Variants in TCTN1 observed in about 807,000 individuals in gnomAD.
TCTN1 encodes tectonic family member 1.
In TCTN1, 58 loss-of-function variants were observed where a neutral mutation model predicts 65.8. The observed-to-expected ratio is 0.88, with a 90% CI of 0.71 to 1.10. TCTN1 has a LOEUF of 1.10. Ranked by LOEUF, TCTN1 falls within the 50% of genes least tolerant of loss-of-function variation. The pLI is 0.00. For missense variants in TCTN1, 645 were observed against 719.4 expected (o/e 0.90, Z 1.18); for synonymous variants, 273 against 289.1 (o/e 0.94, Z 0.57).
At chr12:110,643,561 A>G (rs1318443128) in intron 11 of TCTN1, 1 of 152,108 alleles carries the variant, frequency 6.6e-6, no homozygotes, top group Non-Finnish European at 1.5e-5. Flanking sequence ...GTTTCCATTA[A>G]GGAAGACAAA....
At chr12:110,631,550 C>T (rs1443860393) in intron 4 of TCTN1, among the ~76,000 whole-genome samples, 2 of 152,034 alleles carry the variant, frequency 1.3e-5, no homozygotes, top group African/African-American at 4.8e-5. Context: ...ATGAGGATCG[C>T]TTGAACCCAG....
chr12:110,614,425 T>C, intron 1 of TCTN1, 23 bp downstream of exon 1: 1 of 1,576,820 alleles, frequency 6.3e-7, no homozygotes. Context: ...TGCCAGCTCC[T>C]GGAGTCCACA....
intron 4 of TCTN1, 25 bp from the exon 5 acceptor site, chr12:110,632,447 C>A: frequency 6.2e-7 from 1 of 1,612,012 alleles, no homozygotes; most frequent in Non-Finnish European, 8.5e-7. Flanking sequence ...TACACCATAA[C>A]GACTGTTGGT....
intron 4 of TCTN1, among the ~76,000 whole-genome samples, chr12:110,630,912 A>G (rs1429783725): frequency 6.6e-6 from 1 of 152,172 alleles, no homozygotes; most frequent in African/African-American, 2.4e-5. Flanking sequence ...GATGAGAAAA[A>G]CTTAGGCACA....
intron 1 of TCTN1, among the ~76,000 whole-genome samples, chr12:110,617,529 G>A (rs1163802749): frequency 1.3e-5 from 2 of 151,754 alleles, no homozygotes; most frequent in Non-Finnish European, 2.9e-5. Flanking sequence ...GTTTTACCAC[G>A]TTGGCCAGGC....
Position 110,640,251 on chromosome 12 carries a change from A to G in TCTN1, c.844-132A>G, listed in dbSNP as rs1467316454. ...CTTTTGCAAATGTGGATCATAGTAT[A>G]TACACTGTTGTGTAGCATGCTTCCC... On this transcript the variant is annotated intron_variant, in intron 7 of 14. Coordinates refer to ENST00000397659, the MANE Select transcript of TCTN1 (RefSeq NM_001082538.3). The surrounding 1 kb of genome is among the most constrained non-coding windows in gnomAD (Gnocchi z 4.9). 5 of 1,025,964 alleles carry G rather than the reference A, an allele frequency of 4.9e-6. No homozygotes were observed. Among genetic ancestry groups the G allele is most frequent in the Non-Finnish European group, 7.5e-6 (5 of 666,470 alleles). 63.6% of individuals were successfully genotyped at this position (1,025,964 alleles called of 1,614,324 possible).
chr12:110,642,223 C>A lies in TCTN1; in HGVS notation c.1191-26C>A, dbSNP rs925146934. 5.0e-6 allele frequency: 8 copies of A among 1,614,018 alleles called. No homozygotes were observed. The African/African-American group carries it at 9.3e-5, about 19-fold the overall frequency. On this transcript the variant is annotated intron_variant, in intron 10 of 14. Transcript: ENST00000397659. Reference sequence around the variant, plus strand: ...AGAACCAGGCTGCTCTAGCACTAGGCAGTTGTCCCTTAACTGTCTGTGAAT... The same window carrying A: ...AGAACCAGGCTGCTCTAGCACTAGGAAGTTGTCCCTTAACTGTCTGTGAAT...
intron 2 of TCTN1, chr12:110,625,917 C>A (rs754621545): frequency 3.2e-5 from 5 of 156,436 alleles, no homozygotes; most frequent in Non-Finnish European, 7.0e-5. Context: ...CCACGCCCAG[C>A]TAATTTTTGT....
chr12:110,640,331 C>T lies in TCTN1; in HGVS notation c.844-52C>T. The T allele has an allele frequency of 3.1e-6, 5 of 1,613,132 alleles. No homozygotes were observed. In the South Asian group the frequency reaches 4.4e-5, roughly 14 times the overall value. ...CTTTCCAGTTGGTTGGTTATTTTAG[C>T]CCATCCTCCCTGGGTAGAGCATCTT... is the stretch of plus-strand genomic sequence containing the variant. On this transcript the variant is annotated intron_variant, in intron 7 of 14. Coordinates refer to ENST00000397659, the MANE Select transcript of TCTN1 (RefSeq NM_001082538.3). This position sits in a 1 kb window ranked among gnomAD's most constrained non-coding sequence, Gnocchi z 4.9.
chr12:110,624,002 A>T (rs1334910979), intron 2 of TCTN1, among the ~76,000 whole-genome samples: 2 of 152,238 alleles, frequency 1.3e-5, no homozygotes, highest in Non-Finnish European at 2.9e-5. Context: ...ATTAAGTGAG[A>T]AAAGCCTTAA....
In TCTN1 at chr12:110,620,145, C is replaced by T. The variant is rs145610273; in HGVS notation, c.341+189C>T. Among the ~76,000 whole-genome samples, 495 of 152,240 alleles carry T rather than the reference C, an allele frequency of 3.3e-3. 4 individuals carry two copies. Among genetic ancestry groups the T allele is most frequent in the African/African-American group, 0.012 (480 of 41,548 alleles). ...ATCCCTGGCAGGGCGCAGTGGCTCA[C>T]GCCTGTAATCCCAGCACTTTGGGAG... On this transcript the variant is annotated intron_variant, in intron 2 of 14. Coordinates refer to ENST00000397659, the MANE Select transcript of TCTN1 (RefSeq NM_001082538.3).
At chr12:110,615,993 T>A (rs930541938) in intron 1 of TCTN1, among the ~76,000 whole-genome samples, 1 of 152,222 alleles carries the variant, frequency 6.6e-6, no homozygotes, top group African/African-American at 2.4e-5. Flanking sequence ...AACAGAGCTC[T>A]GTTTTATATT....
rs575581343 is a variant in TCTN1, at chr12:110,645,631, C to T, written c.1494+502C>T. ...CCCTGTTCTACACAGGCAGCCCACA[C>T]CTGAGAGTTTTCACTGCCACAGTTC... On this transcript the variant is annotated intron_variant, in intron 12 of 14. Coordinates refer to ENST00000397659, the MANE Select transcript of TCTN1 (RefSeq NM_001082538.3). The T allele has an allele frequency of 5.6e-5, 10 of 179,464 alleles. No individual in the cohort carries two copies. In the South Asian group the frequency reaches 1.2e-3, roughly 22 times the overall value. 11.1% of individuals were successfully genotyped at this position (179,464 alleles called of 1,614,324 possible). A position where few individuals can be genotyped will look rare whatever the true frequency, so the allele number is the denominator to read the frequency against.
intron 2 of TCTN1, 136 bp downstream of exon 2, chr12:110,620,092 G>A (rs1354506088): frequency 2.1e-5 from 28 of 1,328,724 alleles, no homozygotes; most frequent in African/African-American, 7.2e-5. Context: ...AAGCCATACC[G>A]TCCAAACAAA....
Position 110,642,351 on chromosome 12 carries a change from A to G in TCTN1, c.1293A>G (p.Val431=), listed in dbSNP as rs780020127. The part of the protein sequence containing the change: ...CLALEGVRTP[V]LFGYTMQSGC... ...CACTGGAGGGGGTCCGGACCCCAGT[A>G]TTATTTGGTTACACTATGCAATCTG... Residue 431 remains valine (V), a synonymous_variant, in exon 11 of 15, where the codon GTA becomes GTG. Coordinates refer to ENST00000397659, the MANE Select transcript of TCTN1 (RefSeq NM_001082538.3). 1.9e-6 allele frequency: 3 copies of G among 1,614,208 alleles called. No homozygotes were observed. Among genetic ancestry groups the G allele is most frequent in the Non-Finnish European group, 1.7e-6 (2 of 1,180,030 alleles).
At chr12:110,626,829 G>A (rs1254699367) in intron 3 of TCTN1, among the ~76,000 whole-genome samples, 1 of 143,556 alleles carries the variant, frequency 7.0e-6, no homozygotes, top group Non-Finnish European at 1.5e-5. Context: ...GGAGTGCAAC[G>A]GCTCAATCTC....
rs149014457 is a variant in TCTN1 at position 110,639,580 on chromosome 12, A to T, written c.844-803A>T. On this transcript the variant is annotated intron_variant, in intron 7 of 14. Coordinates refer to ENST00000397659, the MANE Select transcript of TCTN1 (RefSeq NM_001082538.3). The surrounding 1 kb of genome is among the most constrained non-coding windows in gnomAD (Gnocchi z 4.9). The stretch of plus-strand genomic sequence containing the variant: ...ATCCTGGGACTGCATGTGAATGTGC[A>T]TGTGTGGGTATGGAGTGTGTAGGAG... Among the ~76,000 whole-genome samples, 13 of 152,186 alleles carry T rather than the reference A, an allele frequency of 8.5e-5. 1 individual carries two copies. Among genetic ancestry groups the T allele is most frequent in the African/African-American group, 2.9e-4 (12 of 41,536 alleles).
At chr12:110,630,507 C>CCTTA (rs1166146737) in intron 4 of TCTN1, among the ~76,000 whole-genome samples, 3 of 152,120 alleles carry the variant, frequency 2.0e-5, no homozygotes, top group Non-Finnish European at 4.4e-5. Context: ...ACTGAATGAA[C>CCTTA]CTTAACTCTT....
At chr12:110,617,646 T>TC (rs1248021019) in intron 1 of TCTN1, among the ~76,000 whole-genome samples, 1 of 135,834 alleles carries the variant, frequency 7.4e-6, no homozygotes, top group African/African-American at 2.9e-5. Flanking sequence ...TTTTTCTTTC[T>TC]TTTTTTTTTT....
Sources: allele counts gnomAD v4.1 joint callset (sites outside exome capture counted in the v4.1 genomes callset), GRCh38; gene constraint gnomAD v4.1.1; non-coding constraint Gnocchi (gnomAD v3.1); transcripts MANE v1.5; gene names NCBI Gene and HGNC (gene_info 2026-07-23, HGNC 2026-07-21).